The following NEURL1B variants were observed in gnomAD, a reference collection of about 807,000 sequenced individuals.
NEURL1B encodes the protein neuralized E3 ubiquitin protein ligase 1B.
Under a neutral mutation model 37.4 loss-of-function variants are expected in NEURL1B, and 13 were observed. That is an observed-to-expected ratio of 0.35 (90% confidence interval 0.23 to 0.55). The LOEUF is 0.55. NEURL1B is among the 20% of genes least tolerant of loss of function. NEURL1B has a pLI of 0.89. For synonymous variants in NEURL1B, 432 were observed against 426.6 expected (o/e 1.01, Z -0.16); for missense variants, 790 against 879.2 (o/e 0.90, Z 1.28).
intron 1 of NEURL1B, among the ~76,000 whole-genome samples, chr5:172,660,302 C>G (rs537366425): frequency 6.6e-6 from 1 of 152,194 alleles, no homozygotes; most frequent in African/African-American, 2.4e-5. Flanking sequence ...GAGGGGGCGT[C>G]GGGATGACCT....
Position 172,683,676 on chromosome 5 carries a change from G to T in NEURL1B, c.835G>T (p.Asp279Tyr), listed in dbSNP as rs1758414423. ...GTCGTCGCCGGCGCTACTGGAGGCC[G>T]ACCTGCGCTTCCACGCAACACGCGG... ...PASSPALLEA[D>Y]LRFHATRGPD... is the part of the protein sequence containing the mutation. Residue 279 changes from aspartate to tyrosine, a missense_variant, in exon 3 of 5, where the codon GAC (aspartate) becomes TAC (tyrosine). Coordinates refer to ENST00000369800, the MANE Select transcript of NEURL1B (RefSeq NM_001142651.3). This position sits in a 1 kb window ranked among gnomAD's most constrained non-coding sequence, Gnocchi z 5.6. 4.5e-6 allele frequency: 6 copies of T among 1,328,718 alleles called. No homozygotes were observed. The highest frequency in any genetic ancestry group is 3.0e-5 in the South Asian group (2 of 66,226). 82.3% of individuals were successfully genotyped at this position (1,328,718 alleles called of 1,614,324 possible). A position where few individuals can be genotyped will look rare whatever the true frequency, so the allele number is the denominator to read the frequency against.
chr5:172,665,293 G>A lies in NEURL1B; in HGVS notation c.32-4492G>A, dbSNP rs1025074694. On this transcript the variant is annotated intron_variant, in intron 1 of 4. Transcript: ENST00000369800. This position sits in a 1 kb window ranked among gnomAD's most constrained non-coding sequence, Gnocchi z 4.1. ...GCTGAGTGTCGTGCACAAGGCCACC[G>A]TGAGCGTGGACAGCACAGGCTTCTG... is the stretch of plus-strand genomic sequence containing the variant. Among the ~76,000 whole-genome samples the A allele has an allele frequency of 1.8e-4, 28 of 152,336 alleles. No homozygotes were observed. Among genetic ancestry groups the A allele is most frequent in the African/African-American group, 6.3e-4 (26 of 41,572 alleles).
At position 172,683,342 on chromosome 5, in the gene NEURL1B, C is replaced by T; in HGVS notation, c.578-77C>T. On this transcript the variant is annotated intron_variant, in intron 2 of 4. Coordinates refer to ENST00000369800, the MANE Select transcript of NEURL1B (RefSeq NM_001142651.3). The surrounding 1 kb of genome is among the most constrained non-coding windows in gnomAD (Gnocchi z 5.6). ...GTCGGTCGTGGAGGCCTGCAGGAGGCAGCGGGCGAGGAGGGGCTCGCGACC... is the reference window on the plus strand; with the variant it reads ...GTCGGTCGTGGAGGCCTGCAGGAGGTAGCGGGCGAGGAGGGGCTCGCGACC... 1 of 1,255,524 alleles carries T rather than the reference C, an allele frequency of 8.0e-7. No homozygotes were observed. The highest frequency in any genetic ancestry group is 1.0e-6 in the Non-Finnish European group (1 of 997,178). The allele number at this position is 1,255,524 out of a possible 1,614,324, so 77.8% of individuals were successfully genotyped here.
chr5:172,689,418 C>CAAAG lies in NEURL1B; in HGVS notation c.*2495_*2498dup, dbSNP rs1216732905. The CAAAG allele has an allele frequency of 6.6e-6, 1 of 152,176 alleles. No individual in the cohort carries two copies. The highest frequency in any genetic ancestry group is 6.5e-5 in the Admixed American group (1 of 15,278). 9.4% of individuals were successfully genotyped at this position (152,176 alleles called of 1,614,324 possible). A position where few individuals can be genotyped will look rare whatever the true frequency, so the allele number is the denominator to read the frequency against. ...GTCTTATTGCCATAATAAGTCACATCAAAGACACTGCTGGTCATAAAACAC... is the reference window on the plus strand; with the variant it reads ...GTCTTATTGCCATAATAAGTCACATCAAAGAAAGACACTGCTGGTCATAAAACAC... On this transcript the variant is annotated 3_prime_UTR_variant, in exon 5 of 5. Transcript: ENST00000369800.
intron 1 of NEURL1B, among the ~76,000 whole-genome samples, chr5:172,653,568 A>G (rs995544957): frequency 3.9e-5 from 6 of 152,220 alleles, no homozygotes; most frequent in Non-Finnish European, 5.9e-5. Flanking sequence ...ACTGGATGAT[A>G]CCCTTTTAAC....
rs910148046 is a variant in NEURL1B, at chr5:172,670,296, T to C, written c.543T>C (p.Asp181=). ...AVGGPLWALI[D]VYGITDEVQL... is the part of the protein sequence containing the mutation. ...GCGGCCCGCTCTGGGCGCTCATTGA[T>C]GTCTACGGCATCACCGACGAGGTGC... The change falls in exon 2 of 5, where the codon GAT becomes GAC. Residue 181 remains aspartate (D), a synonymous_variant. Coordinates refer to ENST00000369800, the MANE Select transcript of NEURL1B (RefSeq NM_001142651.3). 1.0e-5 allele frequency: 14 copies of C among 1,380,082 alleles called. No individual in the cohort carries two copies. The Admixed American group carries it at 2.3e-4, about 22-fold the overall frequency. 85.5% of individuals were successfully genotyped at this position (1,380,082 alleles called of 1,614,324 possible).
chr5:172,670,275 C>G lies in NEURL1B; in HGVS notation c.522C>G (p.Gly174=). ...VLFHCGVAVG[G]PLWALIDVYG... Reference sequence around the variant, plus strand: ...TCCACTGCGGCGTGGCCGTGGGCGGCCCGCTCTGGGCGCTCATTGATGTCT... The same window carrying G: ...TCCACTGCGGCGTGGCCGTGGGCGGGCCGCTCTGGGCGCTCATTGATGTCT... The change falls in exon 2 of 5, where the codon GGC becomes GGG. Residue 174 remains glycine, a synonymous_variant. Transcript: ENST00000369800. The G allele has an allele frequency of 1.0e-5, 14 of 1,389,842 alleles. No homozygotes were observed. Among genetic ancestry groups the G allele is most frequent in the Admixed American group, 3.6e-5 (1 of 27,622 alleles). The allele number at this position is 1,389,842 out of a possible 1,614,324, so 86.1% of individuals were successfully genotyped here.
rs1758408456 is a variant in NEURL1B, at chr5:172,683,514, G to A, written c.673G>A (p.Asp225Asn). ...CAGCAGCCACGACGCGGCCAACTTC[G>A]ACAACAACGAGCTCGAGAACAACCA... ...PPSSHDAANF[D>N]NNELENNQVV... is the part of the protein sequence containing the mutation. The change falls in exon 3 of 5, where the codon GAC becomes AAC. Residue 225 changes from aspartate to asparagine, a missense_variant. This residue lies in a region of NEURL1B where 460 missense variants were observed against 407.4 expected (regional missense o/e 1.13). Coordinates refer to ENST00000369800, the MANE Select transcript of NEURL1B (RefSeq NM_001142651.3). This position sits in a 1 kb window ranked among gnomAD's most constrained non-coding sequence, Gnocchi z 5.6. The A allele has an allele frequency of 6.7e-7, 1 of 1,502,366 alleles. No individual in the cohort carries two copies. Among genetic ancestry groups the A allele is most frequent in the Non-Finnish European group, 8.8e-7 (1 of 1,130,806 alleles). 93.1% of individuals were successfully genotyped at this position (1,502,366 alleles called of 1,614,324 possible).
chr5:172,677,813 G>A (rs1323302557), intron 2 of NEURL1B, among the ~76,000 whole-genome samples: 3 of 152,198 alleles, frequency 2.0e-5, no homozygotes, highest in African/African-American at 4.8e-5. Context: ...GGTGGCGTCC[G>A]TCTTTTCAAA....
intron 2 of NEURL1B, among the ~76,000 whole-genome samples, chr5:172,674,684 A>C (rs557568194): frequency 6.6e-6 from 1 of 152,176 alleles, no homozygotes; most frequent in East Asian, 1.9e-4. Context: ...ATAGGTGTAC[A>C]TTGCCCCTTC....
chr5:172,641,272 G>T lies in NEURL1B; in HGVS notation c.-135G>T. ...CGCCTCCCTCCCGGCTCCCGCCCCAGCTGCCGCCCGCCGGCTCGCCCGTGC... is the reference window on the plus strand; with the variant it reads ...CGCCTCCCTCCCGGCTCCCGCCCCATCTGCCGCCCGCCGGCTCGCCCGTGC... On this transcript the variant is annotated 5_prime_UTR_variant, in exon 1 of 5. Coordinates refer to ENST00000369800, the MANE Select transcript of NEURL1B (RefSeq NM_001142651.3). The surrounding 1 kb of genome is among the most constrained non-coding windows in gnomAD (Gnocchi z 6.4). The T allele has an allele frequency of 1.3e-6, 1 of 778,694 alleles. No homozygotes were observed. The highest frequency in any genetic ancestry group is 4.0e-5 in the East Asian group (1 of 24,784). The allele number at this position is 778,694 out of a possible 1,614,324, so 48.2% of individuals were successfully genotyped here.
In NEURL1B at chr5:172,683,567, G is replaced by C; in HGVS notation, c.726G>C (p.Ala242=). The C allele has an allele frequency of 7.0e-7, 1 of 1,433,694 alleles. No homozygotes were observed. Among genetic ancestry groups the C allele is most frequent in the Non-Finnish European group, 9.1e-7 (1 of 1,094,206 alleles). The allele number at this position is 1,433,694 out of a possible 1,614,324, so 88.8% of individuals were successfully genotyped here. The change falls in exon 3 of 5, where the codon GCG becomes GCC. Residue 242 remains alanine, a synonymous_variant. Coordinates refer to ENST00000369800, the MANE Select transcript of NEURL1B (RefSeq NM_001142651.3). The surrounding 1 kb of genome is among the most constrained non-coding windows in gnomAD (Gnocchi z 5.6). The part of the protein sequence containing the change: ...NQVVAKLGHL[A]LGRAPGPPPA... ...TGGTGGCCAAGCTGGGCCACCTGGC[G>C]CTGGGCCGCGCCCCGGGCCCACCGC...
chr5:172,669,359 T>C (rs1419998769), intron 1 of NEURL1B, among the ~76,000 whole-genome samples: 1 of 152,224 alleles, frequency 6.6e-6, no homozygotes, highest in Non-Finnish European at 1.5e-5. Context: ...ATATCTCCAC[T>C]ACTCACCCTA....
intron 2 of NEURL1B, among the ~76,000 whole-genome samples, chr5:172,672,389 C>T (rs1758146036): frequency 1.3e-5 from 2 of 152,220 alleles, no homozygotes; most frequent in African/African-American, 2.4e-5. Flanking sequence ...ACCTCACTCA[C>T]CTGCTCATTT....
Position 172,641,444 on chromosome 5 carries a change from C to G in NEURL1B, c.31+7C>G. Reference sequence around the variant, plus strand: ...GTGCACCGGACCCTGCCAGGTACGCCGGGGAGCCCTGCCCGGGAGGCGGGC... The same window carrying G: ...GTGCACCGGACCCTGCCAGGTACGCGGGGGAGCCCTGCCCGGGAGGCGGGC... On this transcript the variant is annotated splice_region_variant and intron_variant, in intron 1 of 4. Coordinates refer to ENST00000369800, the MANE Select transcript of NEURL1B (RefSeq NM_001142651.3). This position sits in a 1 kb window ranked among gnomAD's most constrained non-coding sequence, Gnocchi z 6.4. The G allele has an allele frequency of 7.6e-7, 1 of 1,322,004 alleles. No homozygotes were observed. Among genetic ancestry groups the G allele is most frequent in the African/African-American group, 1.5e-5 (1 of 65,016 alleles). 81.9% of individuals were successfully genotyped at this position (1,322,004 alleles called of 1,614,324 possible). A position where few individuals can be genotyped will look rare whatever the true frequency, so the allele number is the denominator to read the frequency against.
intron 1 of NEURL1B, among the ~76,000 whole-genome samples, chr5:172,663,389 C>T (rs1209470505): frequency 2.0e-5 from 3 of 151,888 alleles, no homozygotes; most frequent in East Asian, 3.9e-4. Context: ...GGTGTGGTGG[C>T]GGGCGCCTGT....
chr5:172,650,847 T>G (rs1192630566), intron 1 of NEURL1B, among the ~76,000 whole-genome samples: 1 of 152,144 alleles, frequency 6.6e-6, no homozygotes, highest in Non-Finnish European at 1.5e-5. Context: ...CTAATTCCGA[T>G]TGGCTAATTT....
chr5:172,656,593 C>T (rs1757783129), intron 1 of NEURL1B: 7 of 1,611,008 alleles, frequency 4.3e-6, no homozygotes, highest in South Asian at 3.3e-5. Flanking sequence ...TTTAGCTCCT[C>T]GAGTTTCTTC....
chr5:172,663,608 TCTC>T (rs1757945723), intron 1 of NEURL1B, among the ~76,000 whole-genome samples: 1 of 149,320 alleles, frequency 6.7e-6, no homozygotes, highest in African/African-American at 2.5e-5. Flanking sequence ...ACTGCAAAGG[TCTC>T]CACTGAGTCC....
Sources: gnomAD v4.1 joint callset for allele counts (sites outside exome capture counted in the v4.1 genomes callset) on GRCh38, gnomAD v4.1.1 for gene constraint, gnomAD v4.1.1 regional missense constraint, Gnocchi (gnomAD v3.1) non-coding constraint, MANE v1.5 for transcripts, NCBI Gene and HGNC (gene_info 2026-07-23, HGNC 2026-07-21) for gene names.